Variants in RECK observed in about 807,000 individuals in gnomAD.
RECK encodes the protein reversion-inducing cysteine-rich protein with Kazal motifs.
Under a neutral mutation model 115.1 loss-of-function variants are expected in RECK, and 69 were observed. The ratio of observed to expected loss-of-function variants is 0.60; its 90% confidence interval spans 0.49 to 0.73. The LOEUF (loss-of-function observed/expected upper bound fraction) is 0.73, where lower values mean the gene tolerates loss of function less well. RECK is among the 30% of genes least tolerant of loss of function. RECK has a pLI of 0.00. For missense variants in RECK, 1,047 were observed against 1,203.7 expected, an observed-to-expected ratio of 0.87 and a Z score of 1.93; for synonymous variants, 414 against 419.7, an observed-to-expected ratio of 0.99 and a Z score of 0.17.
At chr9:36,093,003 G>T (rs570149874) in intron 10 of RECK, among the ~76,000 whole-genome samples, 1 of 152,266 alleles carries the variant, frequency 6.6e-6, no homozygotes, top group African/African-American at 2.4e-5. Flanking sequence ...CCAGGGGAAG[G>T]TGAACATAGA....
chr9:36,110,219 C>A, intron 15 of RECK, 140 bp downstream of exon 15: 1 of 900,248 alleles, frequency 1.1e-6, no homozygotes, highest in East Asian at 2.7e-5. Context: ...AGATGCTTTT[C>A]CTCCCTGGAT....
chr9:36,113,980 A>G (rs1824160685), intron 16 of RECK, among the ~76,000 whole-genome samples: 2 of 152,210 alleles, frequency 1.3e-5, no homozygotes, highest in South Asian at 2.1e-4. Flanking sequence ...TTTCTTCAGC[A>G]GGCGGCTTTC....
intron 16 of RECK, 95 bp from the exon 17 acceptor site, chr9:36,116,890 C>G (rs1824288034): frequency 1.0e-6 from 1 of 975,838 alleles, no homozygotes; most frequent in Non-Finnish European, 1.6e-6. Flanking sequence ...ATCTCTTGCT[C>G]TCTCTTCAGC....
At chr9:36,086,994 G>A (rs1162652599) in intron 8 of RECK, among the ~76,000 whole-genome samples, 1 of 152,078 alleles carries the variant, frequency 6.6e-6, no homozygotes, top group Non-Finnish European at 1.5e-5. Flanking sequence ...TGGAGACAGT[G>A]GTGAATTCTG....
In RECK at chr9:36,122,861, C is replaced by G. The variant is rs769995725; in HGVS notation, c.2732C>G (p.Ser911Cys). The G allele has an allele frequency of 1.9e-6, 3 of 1,614,150 alleles. No individual in the cohort carries two copies. Among genetic ancestry groups the G allele is most frequent in the Non-Finnish European group, 2.5e-6 (3 of 1,180,016 alleles). ...AATAAAGAAGCAGAGAAGATTGAGT[C>G]CCTTATCAACTCTGACAGCCCGACT... ...ACNKEAEKIE[S>C]LINSDSPTLA... The change falls in exon 21 of 21, where the codon TCC becomes TGC. Residue 911 changes from serine to cysteine, a missense_variant. By Grantham distance (112) the Ser-to-Cys change is moderately radical (BLOSUM62 -1). Coordinates refer to ENST00000377966, the MANE Select transcript of RECK (RefSeq NM_021111.3).
chr9:36,122,101 G>T (rs1408421258), intron 20 of RECK, among the ~76,000 whole-genome samples: 2 of 152,200 alleles, frequency 1.3e-5, no homozygotes, highest in African/African-American at 4.8e-5. Context: ...TGAGAGCTGT[G>T]TGCCCACTGT....
rs575050629 is a variant in RECK, at chr9:36,078,534, C to T, written c.406-2071C>T. On this transcript the variant is annotated intron_variant, in intron 6 of 20. Transcript: ENST00000377966. ...GTGCCTGGCCTCTACTCACCAGATG[C>T]CAGTAGCACTCCCCACCCCTCAGTT... Among the ~76,000 whole-genome samples, 67 of 152,298 alleles carry T rather than the reference C, an allele frequency of 4.4e-4. 2 individuals carry two copies. The South Asian group carries it at 0.013, about 30-fold the overall frequency.
rs1313460290 is a variant in RECK, at chr9:36,112,324, A to G, written c.1908A>G (p.Ala636=). The G allele has an allele frequency of 6.2e-7, 1 of 1,613,354 alleles. No individual in the cohort carries two copies. The highest frequency in any genetic ancestry group is 8.5e-7 in the Non-Finnish European group (1 of 1,179,956). ...RTFTGLPCNC[A]DQFVPVCGQN... is the part of the protein sequence containing the mutation. The stretch of plus-strand genomic sequence containing the variant: ...CCTCAGGTCTGCCCTGTAACTGTGC[A>G]GATCAGTTTGTCCCTGTATGTGGGC... The change falls in exon 16 of 21, where the codon GCA becomes GCG. Residue 636 remains alanine (A), a synonymous_variant. Coordinates refer to ENST00000377966, the MANE Select transcript of RECK (RefSeq NM_021111.3).
intron 19 of RECK, 121 bp from the exon 20 acceptor site, chr9:36,121,412 G>A (rs1167257639): frequency 6.8e-6 from 6 of 876,032 alleles, no homozygotes; most frequent in East Asian, 2.6e-5. Flanking sequence ...CTGCGGTTGG[G>A]CCTTCCGCTG....
chr9:36,061,749 G>T (rs1379948253), intron 4 of RECK, among the ~76,000 whole-genome samples: 2 of 152,190 alleles, frequency 1.3e-5, no homozygotes, highest in Non-Finnish European at 2.9e-5. Flanking sequence ...ACTAGGCAAT[G>T]AGGCTAGATG....
chr9:36,039,579 G>T (rs1820797169), intron 1 of RECK, among the ~76,000 whole-genome samples: 1 of 152,174 alleles, frequency 6.6e-6, no homozygotes, highest in Non-Finnish European at 1.5e-5. Context: ...TCTCTTTGGA[G>T]GATGAGAAGG....
rs763776776 is a variant in RECK at position 36,087,977 on chromosome 9, T to C, written c.905+16T>C. 2 of 1,589,554 alleles carry C rather than the reference T, an allele frequency of 1.3e-6. No homozygotes were observed. The highest frequency in any genetic ancestry group is 1.7e-6 in the Non-Finnish European group (2 of 1,163,192). ...CAACATGTAGGTTAGTATTTCATTT[T>C]CCTTTACCAAAATCAGTAGAAAATG... On this transcript the variant is annotated intron_variant, in intron 9 of 20. Transcript: ENST00000377966.
At chr9:36,086,769 T>C (rs1345576537) in intron 8 of RECK, among the ~76,000 whole-genome samples, 1 of 152,240 alleles carries the variant, frequency 6.6e-6, no homozygotes. Flanking sequence ...CGGCTTCACC[T>C]CTCAATATGG....
chr9:36,104,503 A>T (rs1445276620), intron 12 of RECK, among the ~76,000 whole-genome samples: 18 of 144,748 alleles, frequency 1.2e-4, no homozygotes, highest in Non-Finnish European at 2.6e-4. Context: ...CGCCCAGCTA[A>T]ATTTGAGGGG....
At chr9:36,080,260 T>A (rs1245114701) in intron 6 of RECK, among the ~76,000 whole-genome samples, 1 of 152,194 alleles carries the variant, frequency 6.6e-6, no homozygotes, top group Non-Finnish European at 1.5e-5. Flanking sequence ...TCCCTAGATG[T>A]CATTTATTAG....
In RECK at chr9:36,063,888, TG is replaced by T. The variant is rs773567382; in HGVS notation, c.357+11del. The T allele has an allele frequency of 6.2e-6, 10 of 1,613,430 alleles. No individual in the cohort carries two copies. The Admixed American group carries it at 1.7e-4, about 27-fold the overall frequency. On this transcript the variant is annotated intron_variant, in intron 5 of 20. Transcript: ENST00000377966. ...CGACAGGCATGCAAGCAGGTAACAC[TG>T]GGTAGTCAGGCTCTCAAACATCATG...
At chr9:36,084,881 C>G (rs1365994931) in intron 8 of RECK, among the ~76,000 whole-genome samples, 2 of 151,930 alleles carry the variant, frequency 1.3e-5, no homozygotes. Context: ...ATAGTGAGAC[C>G]CTATGTCTCC....
At chr9:36,099,537 G>A (rs981282340) in intron 10 of RECK, among the ~76,000 whole-genome samples, 1 of 151,518 alleles carries the variant, frequency 6.6e-6, no homozygotes, top group Admixed American at 6.6e-5. Context: ...TTCAACATGG[G>A]GTATTCCTTT....
At chr9:36,064,788 C>T (rs186239684) in intron 5 of RECK, among the ~76,000 whole-genome samples, 200 of 152,176 alleles carry the variant, frequency 1.3e-3, no homozygotes, top group Middle Eastern at 3.4e-3. Context: ...TTCTCCCTGT[C>T]CTCATCAGCT....
Sources: gnomAD v4.1 joint callset for allele counts (sites outside exome capture counted in the v4.1 genomes callset) on GRCh38, gnomAD v4.1.1 for gene constraint, MANE v1.5 for transcripts, NCBI Gene and HGNC (gene_info 2026-07-23, HGNC 2026-07-21) for gene names.